Variants in ST8SIA6 observed in about 807,000 individuals in gnomAD.
The protein encoded by ST8SIA6 is alpha-2,8-sialyltransferase 8F.
Under a neutral mutation model 33.6 loss-of-function variants are expected in ST8SIA6, and 39 were observed. The ratio of observed to expected loss-of-function variants is 1.16; its 90% CI spans 0.90 to 1.52. The LOEUF is 1.52. Ranked by LOEUF, ST8SIA6 falls within the 40% of genes most tolerant of loss-of-function variation. ST8SIA6 has a pLI of 0.00. For synonymous variants in ST8SIA6, 172 were observed against 167.2 expected (o/e 1.03, Z -0.22); for missense variants, 441 against 443.8 (o/e 0.99, Z 0.06).
At chr10:17,444,752 A>T (rs1852641374) in intron 2 of ST8SIA6, among the ~76,000 whole-genome samples, 1 of 152,234 alleles carries the variant, frequency 6.6e-6, no homozygotes, top group African/African-American at 2.4e-5. Context: ...TGTGAAACCC[A>T]TTTCCAAACA....
chr10:17,446,182 T>A (rs1852700051), intron 2 of ST8SIA6, among the ~76,000 whole-genome samples: 1 of 152,288 alleles, frequency 6.6e-6, no homozygotes, highest in East Asian at 1.9e-4. Flanking sequence ...CTGATAAGCA[T>A]AGTGGGACAG....
rs1376921038 is a variant in ST8SIA6 at position 17,326,431 on chromosome 10, T to G, written c.635+583A>C. Reference sequence around the variant, plus strand: ...AAGGCACACAGAAAAACCATTTTGTTTCTATTTTTGCATGCTAGCTGATAT... The same window carrying G: ...AAGGCACACAGAAAAACCATTTTGTGTCTATTTTTGCATGCTAGCTGATAT... On this transcript the variant is annotated intron_variant, in intron 6 of 7. Transcript: ENST00000377602. 2.0e-5 allele frequency among the ~76,000 whole-genome samples: 3 copies of G among 152,188 alleles called. No homozygotes were observed. In the East Asian group the frequency reaches 5.8e-4, roughly 29 times the overall value.
intron 2 of ST8SIA6, chr10:17,410,618 CAAAT>C (rs1051175130): frequency 1.3e-5 from 2 of 152,036 alleles, no homozygotes; most frequent in African/African-American, 4.8e-5. Context: ...TAAATTTGAA[CAAAT>C]GAATGAATGA....
chr10:17,373,094 A>T (rs973236223), intron 3 of ST8SIA6, among the ~76,000 whole-genome samples: 3 of 152,332 alleles, frequency 2.0e-5, no homozygotes, highest in Middle Eastern at 3.4e-3. Context: ...TAAACTCCCT[A>T]ACAGGAGCTA....
At chr10:17,361,979 C>T (rs1414257339) in intron 3 of ST8SIA6, among the ~76,000 whole-genome samples, 1 of 152,116 alleles carries the variant, frequency 6.6e-6, no homozygotes, top group African/African-American at 2.4e-5. Flanking sequence ...CAAAAACCCT[C>T]ACTGTAAAAC....
Position 17,374,947 on chromosome 10 carries a change from T to C in ST8SIA6, c.291-15347A>G, listed in dbSNP as rs1849862003. On this transcript the variant is annotated intron_variant, in intron 3 of 7. Coordinates refer to ENST00000377602, the MANE Select transcript of ST8SIA6 (RefSeq NM_001004470.3). ...TTCTTTTTTTCCAGTTTCATATATATATATTTTGAGACAGGGTCTCACTCT... is the reference window on the plus strand; with the variant it reads ...TTCTTTTTTTCCAGTTTCATATATACATATTTTGAGACAGGGTCTCACTCT... 2.0e-5 allele frequency among the ~76,000 whole-genome samples: 3 copies of C among 151,566 alleles called. No individual in the cohort carries two copies. In the South Asian group the frequency reaches 6.3e-4, roughly 32 times the overall value.
At chr10:17,358,741 A>AGAC (rs112418442) in intron 4 of ST8SIA6, among the ~76,000 whole-genome samples, 20,598 of 125,784 alleles carry the variant, frequency 0.16, 2,189 homozygotes, top group South Asian at 0.21. Context: ...AAGAGGAAAA[A>AGAC]GGAGGAGGAG....
chr10:17,342,767 G>A (rs184208471), intron 4 of ST8SIA6, among the ~76,000 whole-genome samples: 39 of 152,120 alleles, frequency 2.6e-4, no homozygotes, highest in African/African-American at 8.7e-4. Flanking sequence ...TGGCCAACAT[G>A]GTGAGACCCC....
At chr10:17,390,798 T>TGAAAA in intron 2 of ST8SIA6, among the ~76,000 whole-genome samples, 178 bp from the exon 3 acceptor site, 2 of 49,068 alleles carry the variant, frequency 4.1e-5, no homozygotes, top group East Asian at 3.0e-3. Flanking sequence ...TGGGTCTAAA[T>TGAAAA]GAAAAAAAAA....
intron 4 of ST8SIA6, among the ~76,000 whole-genome samples, chr10:17,350,482 A>G (rs1848993025): frequency 6.6e-6 from 1 of 152,164 alleles, no homozygotes; most frequent in Admixed American, 6.5e-5. Context: ...TGAGTCCAGG[A>G]GTTCGAGACC....
chr10:17,345,721 G>A (rs1168227644), intron 4 of ST8SIA6, among the ~76,000 whole-genome samples: 1 of 152,142 alleles, frequency 6.6e-6, no homozygotes, highest in Non-Finnish European at 1.5e-5. Context: ...ATGGGAGAGG[G>A]CAAAGCATTG....
chr10:17,415,264 G>C (rs1240802633), intron 2 of ST8SIA6, among the ~76,000 whole-genome samples: 1 of 152,164 alleles, frequency 6.6e-6, no homozygotes, highest in Non-Finnish European at 1.5e-5. Context: ...ACTTCAAACT[G>C]AGAGCACATG....
At chr10:17,346,833 C>G (rs1468186849) in intron 4 of ST8SIA6, among the ~76,000 whole-genome samples, 1 of 152,148 alleles carries the variant, frequency 6.6e-6, no homozygotes, top group Non-Finnish European at 1.5e-5. Flanking sequence ...TATTATCTAT[C>G]TATGTATGTC....
In ST8SIA6 at chr10:17,320,943, G is replaced by A; in HGVS notation, c.1132C>T (p.Gln378Ter). ...GFHQMPKEYSQILQLHMKGIL... is the reference protein window; with the variant it reads ...GFHQMPKEYS ...CCTTTCATGTGAAGTTGGAGGATCT[G>A]GCTGTATTCTTTGGGCATCTGATGG... Residue 378 changes from glutamine to a stop codon, truncating the protein, a stop_gained, in exon 8 of 8, where the codon CAG becomes TAG. Coordinates refer to ENST00000377602, the MANE Select transcript of ST8SIA6 (RefSeq NM_001004470.3). LOFTEE classifies it high-confidence loss of function. 1 of 1,614,066 alleles carries A rather than the reference G, an allele frequency of 6.2e-7. No individual in the cohort carries two copies. The highest frequency in any genetic ancestry group is 8.5e-7 in the Non-Finnish European group (1 of 1,179,948).
At chr10:17,381,178 C>T (rs1411591553) in intron 3 of ST8SIA6, among the ~76,000 whole-genome samples, 1 of 152,028 alleles carries the variant, frequency 6.6e-6, no homozygotes, top group Non-Finnish European at 1.5e-5. Context: ...AAGTGTCTCC[C>T]TCTAGTACCA....
intron 2 of ST8SIA6, among the ~76,000 whole-genome samples, chr10:17,443,737 G>A (rs1420607625): frequency 3.3e-5 from 5 of 152,296 alleles, no homozygotes; most frequent in African/African-American, 9.6e-5. Context: ...ACTCCTAAGT[G>A]TATGTAGATA....
At chr10:17,354,800 C>G (rs1216599794) in intron 4 of ST8SIA6, among the ~76,000 whole-genome samples, 1 of 152,186 alleles carries the variant, frequency 6.6e-6, no homozygotes, top group Admixed American at 6.5e-5. Context: ...GTTCTAGACT[C>G]TTGGAGAATC....
chr10:17,401,077 C>T (rs1300345627), intron 2 of ST8SIA6, among the ~76,000 whole-genome samples: 1 of 152,186 alleles, frequency 6.6e-6, no homozygotes, highest in East Asian at 1.9e-4. Flanking sequence ...GCAACTTCAG[C>T]AAAGTCTCAG....
intron 2 of ST8SIA6, chr10:17,399,225 G>A (rs1564445272): frequency 6.6e-6 from 1 of 152,122 alleles, no homozygotes; most frequent in Admixed American, 6.5e-5. Flanking sequence ...GATAAAACAA[G>A]GTAGAAAACA....
Sources: allele counts gnomAD v4.1 joint callset (sites outside exome capture counted in the v4.1 genomes callset), GRCh38; gene constraint gnomAD v4.1.1; transcripts MANE v1.5; gene names NCBI Gene and HGNC (gene_info 2026-07-23, HGNC 2026-07-21).